The following ABRACL variants were observed in gnomAD, a reference collection of about 807,000 sequenced individuals.
ABRACL encodes the protein ABRA C-terminal like, also known as costars family protein ABRACL.
ABRACL carries 4 observed loss-of-function variants against 7.0 expected under a neutral mutation model. The observed-to-expected ratio is 0.57, with a 90% CI of 0.28 to 1.30. The LOEUF is 1.30. Among genes scored for constraint, ABRACL ranks in the 50% most tolerant of loss-of-function variants. The pLI is 0.10. For synonymous variants in ABRACL, 30 were observed against 36.0 expected, an observed-to-expected ratio of 0.83 and a Z score of 0.60; for missense variants, 104 against 97.3, an observed-to-expected ratio of 1.07 and a Z score of -0.29.
At chr6:139,035,746 A>G (rs1202391419) in intron 2 of ABRACL, among the ~76,000 whole-genome samples, 1 of 147,698 alleles carries the variant, frequency 6.8e-6, no homozygotes, top group African/African-American at 2.5e-5. Context: ...GCCTCCCAAA[A>G]TGCTAGGTTT....
At chr6:139,042,349 C>T (rs1436518555) in intron 2 of ABRACL, among the ~76,000 whole-genome samples, 2 of 152,182 alleles carry the variant, frequency 1.3e-5, no homozygotes, top group African/African-American at 4.8e-5. Flanking sequence ...AGAAACACTG[C>T]TCTTGATCCT....
intron 1 of ABRACL, among the ~76,000 whole-genome samples, chr6:139,030,525 C>G (rs1342402148): frequency 6.6e-6 from 1 of 152,080 alleles, no homozygotes; most frequent in Non-Finnish European, 1.5e-5. Flanking sequence ...GGTATTTTTC[C>G]CCCTTTGTCC....
chr6:139,034,539 G>A, intron 2 of ABRACL: 1 of 941,740 alleles, frequency 1.1e-6, no homozygotes, highest in South Asian at 2.4e-5. Context: ...ATTTTTACTT[G>A]TCATACTATT....
At position 139,042,842 on chromosome 6, in the gene ABRACL, C is replaced by A. The variant is rs751351295; in HGVS notation, c.185C>A (p.Pro62Gln). 6.2e-7 allele frequency: 1 copy of A among 1,613,766 alleles called. No homozygotes were observed. Among genetic ancestry groups the A allele is most frequent in the African/African-American group, 1.3e-5 (1 of 74,896 alleles). ...AAKRRKIVTY[P>Q]GELLLQGVHD... ...AAACGAAGGAAGATTGTAACATATC[C>A]AGGAGAGCTGCTTCTGCAAGGTGTT... The change falls in exon 3 of 3, where the codon CCA becomes CAA. Residue 62 changes from proline (P) to glutamine (Q), a missense_variant. Transcript: ENST00000367660.
Position 139,042,818 on chromosome 6 carries a change from A to G in ABRACL, c.161A>G (p.Lys54Arg). The G allele has an allele frequency of 6.2e-7, 1 of 1,614,110 alleles. No individual in the cohort carries two copies. Among genetic ancestry groups the G allele is most frequent in the Non-Finnish European group, 8.5e-7 (1 of 1,180,004 alleles). Residue 54 changes from lysine (K) to arginine (R), a missense_variant, in exon 3 of 3, where the codon AAA becomes AGA. Lys to Arg is a conservative substitution (Grantham distance 26). Coordinates refer to ENST00000367660, the MANE Select transcript of ABRACL (RefSeq NM_021243.3). ...TTGGTAGGAACTCTTAAAGCTGCAA[A>G]ACGAAGGAAGATTGTAACATATCCA... ...EALVGTLKAAKRRKIVTYPGE... is the reference protein window; with the variant it reads ...EALVGTLKAARRRKIVTYPGE...
chr6:139,039,314 A>T (rs2114312629), intron 2 of ABRACL, among the ~76,000 whole-genome samples: 1 of 152,328 alleles, frequency 6.6e-6, no homozygotes, highest in East Asian at 1.9e-4. Flanking sequence ...ATAATATAAA[A>T]TAATGATGCT....
At position 139,042,756 on chromosome 6, in the gene ABRACL, C is replaced by G. The variant is rs752173600; in HGVS notation, c.99C>G (p.Leu33=). 1 of 1,613,038 alleles carries G rather than the reference C, an allele frequency of 6.2e-7. No homozygotes were observed. Among genetic ancestry groups the G allele is most frequent in the South Asian group, 1.1e-5 (1 of 90,680 alleles). ...AGTTAAGCGTGAAATTTGGGGTCCT[C>G]TTCCGTGATGATAAATGTGCCAACC... The part of the protein sequence containing the change: ...DGKLSVKFGV[L]FRDDKCANLF... Residue 33 remains leucine (L), a synonymous_variant, in exon 3 of 3, where the codon CTC becomes CTG. Transcript: ENST00000367660.
At chr6:139,029,071 C>G (rs1786037181) in intron 1 of ABRACL, among the ~76,000 whole-genome samples, 196 bp downstream of exon 1, 1 of 152,048 alleles carries the variant, frequency 6.6e-6, no homozygotes, top group African/African-American at 2.4e-5. Context: ...GCGCCGCCCA[C>G]GCCCCCACCT....
At chr6:139,041,451 C>CTCTCTCTCTCTCTATATATA (rs140091253) in intron 2 of ABRACL, among the ~76,000 whole-genome samples, 1 of 110,056 alleles carries the variant, frequency 9.1e-6, no homozygotes, top group African/African-American at 3.6e-5. Flanking sequence ...CTCTCTCTCT[C>CTCTCTCTCTCTCTATATATA]TATATATATA....
At chr6:139,038,787 G>A (rs74990708) in intron 2 of ABRACL, among the ~76,000 whole-genome samples, 4,179 of 152,218 alleles carry the variant, frequency 0.027, 217 homozygotes, top group African/African-American at 0.095. Flanking sequence ...CTGTAAAGTC[G>A]GACTCTCTGG....
chr6:139,041,443 CTCTCTCTCTATA>C lies in ABRACL; in HGVS notation c.62-1274_62-1263del, dbSNP rs1309166889. Reference sequence around the variant, plus strand: ...CAGACCCATCTCTCTCTCTCTCTCTCTCTCTCTCTATATATATATATATATATTTCTATATTT... The same window carrying C: ...CAGACCCATCTCTCTCTCTCTCTCTCTATATATATATATATTTCTATATTT... On this transcript the variant is annotated intron_variant, in intron 2 of 2. Transcript: ENST00000367660. Among the ~76,000 whole-genome samples, 16 of 70,418 alleles carry C rather than the reference CTCTCTCTCTATA, an allele frequency of 2.3e-4. No homozygotes were observed. The South Asian group carries it at 4.0e-3, about 17-fold the overall frequency. 46.2% of individuals were successfully genotyped at this position (70,418 alleles called of 152,430 possible).
chr6:139,042,746 T>C lies in ABRACL; in HGVS notation c.89T>C (p.Phe30Ser). Residue 30 changes from phenylalanine (F) to serine (S), a missense_variant, in exon 3 of 3, where the codon TTT (phenylalanine) becomes TCT (serine). Phe to Ser is a radical substitution (Grantham distance 155). Transcript: ENST00000367660. ...GCTGATGGAAAGTTAAGCGTGAAAT[T>C]TGGGGTCCTCTTCCGTGATGATAAA... ...KNADGKLSVK[F>S]GVLFRDDKCA... 1.2e-6 allele frequency: 2 copies of C among 1,611,814 alleles called. No homozygotes were observed. Among genetic ancestry groups the C allele is most frequent in the Non-Finnish European group, 1.7e-6 (2 of 1,179,194 alleles).
intron 2 of ABRACL, among the ~76,000 whole-genome samples, chr6:139,036,566 T>C (rs1391345950): frequency 6.6e-6 from 1 of 152,234 alleles, no homozygotes; most frequent in Non-Finnish European, 1.5e-5. Context: ...AGTCAACAAC[T>C]GAGTTGAATC....
intron 2 of ABRACL, among the ~76,000 whole-genome samples, chr6:139,037,116 G>A (rs1461125525): frequency 6.6e-6 from 1 of 152,228 alleles, no homozygotes; most frequent in South Asian, 2.1e-4. Flanking sequence ...AGTAGTTGGG[G>A]GCACTCAATG....
At chr6:139,034,495 C>A in intron 2 of ABRACL, 1 of 1,319,814 alleles carries the variant, frequency 7.6e-7, no homozygotes, top group South Asian at 1.8e-5. Context: ...TTGTATTTGA[C>A]TGCATTGAAA....
At chr6:139,040,365 A>G (rs9495320) in intron 2 of ABRACL, among the ~76,000 whole-genome samples, 4,226 of 152,278 alleles carry the variant, frequency 0.028, 188 homozygotes, top group African/African-American at 0.095. Flanking sequence ...GAATCACCCA[A>G]ACATTTGTCA....
In ABRACL at chr6:139,037,648, G is replaced by A. The variant is rs552360117; in HGVS notation, c.61+3427G>A. Among the ~76,000 whole-genome samples the A allele has an allele frequency of 3.3e-5, 5 of 152,236 alleles. No homozygotes were observed. In the South Asian group the frequency reaches 1.0e-3, roughly 32 times the overall value. On this transcript the variant is annotated intron_variant, in intron 2 of 2. Coordinates refer to ENST00000367660, the MANE Select transcript of ABRACL (RefSeq NM_021243.3). ...ACGCATTTCACCACACCCACTTGATGGAGGCCTGATGAGTCTTATTTTCCA... is the reference window on the plus strand; with the variant it reads ...ACGCATTTCACCACACCCACTTGATAGAGGCCTGATGAGTCTTATTTTCCA...
intron 2 of ABRACL, among the ~76,000 whole-genome samples, chr6:139,035,926 CCT>C (rs1786149080): frequency 6.7e-6 from 1 of 149,792 alleles, no homozygotes; most frequent in Non-Finnish European, 1.5e-5. Flanking sequence ...ATGGTGAAAC[CCT>C]GTCTCTACTA....
intron 2 of ABRACL, among the ~76,000 whole-genome samples, chr6:139,038,879 T>C (rs1010834587): frequency 6.6e-6 from 1 of 152,222 alleles, no homozygotes; most frequent in Non-Finnish European, 1.5e-5. Flanking sequence ...TTTTCCTTAT[T>C]TGTAAAACAA....
Sources: gnomAD v4.1 joint callset for allele counts (sites outside exome capture counted in the v4.1 genomes callset) on GRCh38, gnomAD v4.1.1 for gene constraint, MANE v1.5 for transcripts, NCBI Gene and HGNC (gene_info 2026-07-23, HGNC 2026-07-21) for gene names.